Variants in BLK observed in about 807,000 individuals in gnomAD.
BLK encodes the protein tyrosine-protein kinase Blk.
Under a neutral mutation model 61.8 loss-of-function variants are expected in BLK, and 64 were observed. That is an observed-to-expected ratio of 1.03 (90% CI 0.85 to 1.27). The LOEUF (loss-of-function observed/expected upper bound fraction) is 1.27, where lower values mean the gene tolerates loss of function less well. Ranked by LOEUF, BLK falls within the 50% of genes most tolerant of loss-of-function variation. The pLI is 0.00. For synonymous variants in BLK, 351 were observed against 272.0 expected, an observed-to-expected ratio of 1.29 and a Z score of -2.86; for missense variants, 853 against 660.5, an observed-to-expected ratio of 1.29 and a Z score of -3.19.
chr8:11,546,126 C>T lies in BLK; in HGVS notation c.175+23C>T, dbSNP rs776904190. The T allele has an allele frequency of 3.7e-6, 6 of 1,613,984 alleles. 1 individual carries two copies. In the South Asian group the frequency reaches 4.4e-5, roughly 12 times the overall value. On this transcript the variant is annotated intron_variant, in intron 3 of 12. Coordinates refer to ENST00000259089, the MANE Select transcript of BLK (RefSeq NM_001715.3). ...AAGGTAAGAAGGGTGGTTTGGGAAG[C>T]TGAGGCTCCACAGCCCTCTCCCCTA...
chr8:11,537,453 A>G (rs888906939), intron 1 of BLK, among the ~76,000 whole-genome samples: 1 of 152,222 alleles, frequency 6.6e-6, no homozygotes, highest in Non-Finnish European at 1.5e-5. Flanking sequence ...CCTCCAGCAC[A>G]TAACATGGCA....
chr8:11,559,396 GAC>G (rs145806791), intron 10 of BLK, among the ~76,000 whole-genome samples: 32 of 149,866 alleles, frequency 2.1e-4, no homozygotes, highest in African/African-American at 4.7e-4. Flanking sequence ...CACACAGACA[GAC>G]ACACACACAG....
rs79242590 is a variant in BLK, at chr8:11,551,297, G to T, written c.472+1035G>T. Among the ~76,000 whole-genome samples, 230 of 152,254 alleles carry T rather than the reference G, an allele frequency of 1.5e-3. 5 individuals are homozygous for T. The East Asian group carries it at 0.04, about 26-fold the overall frequency. ...GAGGCTGGAAGTCCACGACCAAAGT[G>T]TCAGCAGCGTTGGCTCCTCCCGGGA... On this transcript the variant is annotated intron_variant, in intron 6 of 12. Transcript: ENST00000259089.
intron 1 of BLK, among the ~76,000 whole-genome samples, chr8:11,539,827 T>C (rs1309099267): frequency 6.6e-6 from 1 of 152,238 alleles, no homozygotes; most frequent in Non-Finnish European, 1.5e-5. Context: ...CATTTTACTA[T>C]TTGGGTTTGT....
At chr8:11,540,314 A>C (rs192086236) in intron 1 of BLK, among the ~76,000 whole-genome samples, 5 of 152,134 alleles carry the variant, frequency 3.3e-5, no homozygotes, top group African/African-American at 1.2e-4. Flanking sequence ...TTAAAATGCT[A>C]TCTTTTTCAC....
At chr8:11,544,627 C>T (rs1743277750) in intron 2 of BLK, among the ~76,000 whole-genome samples, 1 of 152,080 alleles carries the variant, frequency 6.6e-6, no homozygotes, top group South Asian at 2.1e-4. Flanking sequence ...GAATTTTTTT[C>T]ACTTAAAAGA....
chr8:11,548,064 A>G lies in BLK; in HGVS notation c.208A>G (p.Thr70Ala). The change falls in exon 4 of 13, where the codon ACC becomes GCC. Residue 70 changes from threonine (T) to alanine (A), a missense_variant. Physicochemically the swap from Thr to Ala is moderately conservative, Grantham distance 58 (BLOSUM62 0). Transcript: ENST00000259089. The part of the protein sequence containing the change: ...KHFVVALYDY[T>A]AMNDRDLQML... ...TTTCGTGGTGGCTCTGTATGACTAC[A>G]CCGCTATGAATGATCGGGACCTGCA... The G allele has an allele frequency of 6.2e-7, 1 of 1,613,878 alleles. No homozygotes were observed. The highest frequency in any genetic ancestry group is 8.5e-7 in the Non-Finnish European group (1 of 1,179,956).
At chr8:11,539,347 A>T (rs2409784) in intron 1 of BLK, among the ~76,000 whole-genome samples, 2 of 151,908 alleles carry the variant, frequency 1.3e-5, no homozygotes, top group Non-Finnish European at 2.9e-5. Flanking sequence ...GATCCAGCAC[A>T]TTTTTTTTAG....
At chr8:11,494,745 A>C (rs1473106947) in intron 1 of BLK, among the ~76,000 whole-genome samples, 154 bp downstream of exon 1, 1 of 152,254 alleles carries the variant, frequency 6.6e-6, no homozygotes, top group African/African-American at 2.4e-5. Context: ...TCAGCTATGA[A>C]TAGATTGCTC....
chr8:11,561,296 C>T lies in BLK; in HGVS notation c.1030-6C>T, dbSNP rs1318168382. ...GCTGTCCTTCACCATGTGCCTGTTC[C>T]CTCAGATTGCTGAAGGGATGGCATA... On this transcript the variant is annotated splice_polypyrimidine_tract_variant and splice_region_variant and intron_variant, in intron 10 of 12. Transcript: ENST00000259089. 6.2e-7 allele frequency: 1 copy of T among 1,612,540 alleles called. No homozygotes were observed. The highest frequency in any genetic ancestry group is 8.5e-7 in the Non-Finnish European group (1 of 1,179,270).
At chr8:11,537,415 T>G (rs1800178790) in intron 1 of BLK, among the ~76,000 whole-genome samples, 1 of 152,296 alleles carries the variant, frequency 6.6e-6, no homozygotes, top group South Asian at 2.1e-4. Context: ...CCCACCTATG[T>G]CTGGCAGGTC....
intron 1 of BLK, among the ~76,000 whole-genome samples, chr8:11,532,883 A>G (rs566738018): frequency 1.3e-5 from 2 of 152,308 alleles, no homozygotes; most frequent in South Asian, 4.1e-4. Context: ...CTGTTAAGTT[A>G]CCTGTGGATA....
intron 1 of BLK, among the ~76,000 whole-genome samples, chr8:11,533,025 T>C (rs973436875): frequency 1.3e-5 from 2 of 152,230 alleles, no homozygotes; most frequent in Non-Finnish European, 2.9e-5. Flanking sequence ...ATATAATACA[T>C]GAAAAGCATG....
intron 1 of BLK, among the ~76,000 whole-genome samples, chr8:11,511,052 T>A (rs1798984503): frequency 1.3e-5 from 2 of 152,256 alleles, no homozygotes; most frequent in South Asian, 4.1e-4. Context: ...AATTGTTCTT[T>A]CCTGCTACAA....
intron 1 of BLK, among the ~76,000 whole-genome samples, chr8:11,494,859 G>C (rs976479786): frequency 3.9e-5 from 6 of 152,258 alleles, no homozygotes; most frequent in Non-Finnish European, 8.8e-5. Context: ...TGCCACAGAG[G>C]AGAGAAGGGA....
intron 5 of BLK, among the ~76,000 whole-genome samples, chr8:11,549,486 G>C (rs1800806482): frequency 6.6e-6 from 1 of 152,194 alleles, no homozygotes; most frequent in Admixed American, 6.5e-5. Flanking sequence ...AGCCCTCGGG[G>C]GCTCCCAGGA....
At chr8:11,552,800 A>G (rs1329306139) in intron 6 of BLK, 4 of 152,218 alleles carry the variant, frequency 2.6e-5, no homozygotes, top group African/African-American at 9.7e-5. Context: ...TTTCCTGTCC[A>G]TGTCCACCCC....
intron 1 of BLK, among the ~76,000 whole-genome samples, chr8:11,523,591 C>T (rs1217817224): frequency 1.3e-5 from 2 of 151,928 alleles, no homozygotes; most frequent in East Asian, 3.9e-4. Context: ...AAAAGCATAA[C>T]CTAAATTAAG....
intron 1 of BLK, among the ~76,000 whole-genome samples, chr8:11,535,646 G>A (rs1031946050): frequency 6.6e-6 from 1 of 152,204 alleles, no homozygotes; most frequent in Non-Finnish European, 1.5e-5. Flanking sequence ...ACTTTTAAAT[G>A]TCGGTGAGGA....
Sources: allele counts gnomAD v4.1 joint callset (sites outside exome capture counted in the v4.1 genomes callset), GRCh38; gene constraint gnomAD v4.1.1; transcripts MANE v1.5; gene names NCBI Gene and HGNC (gene_info 2026-07-23, HGNC 2026-07-21).